ANKFY1: variants seen among roughly 807,000 people sequenced by gnomAD.
The protein encoded by ANKFY1 is ankyrin repeat and FYVE domain-containing protein 1.
In ANKFY1, 47 loss-of-function variants were observed where a neutral mutation model predicts 128.3. The observed-to-expected ratio is 0.37, with a 90% CI of 0.29 to 0.47. The LOEUF (loss-of-function observed/expected upper bound fraction) is 0.47. Ranked by LOEUF, ANKFY1 falls within the 20% of genes least tolerant of loss-of-function variation. The pLI is 1.00. For missense variants in ANKFY1, 1,222 were observed against 1,510.6 expected (o/e 0.81, Z 3.17); for synonymous variants, 553 against 601.6 (o/e 0.92, Z 1.18).
intron 4 of ANKFY1, 57 bp downstream of exon 4, chr17:4,216,926 T>A: frequency 6.2e-7 from 1 of 1,610,574 alleles, no homozygotes; most frequent in Non-Finnish European, 8.5e-7. Flanking sequence ...GAGCTCGGCA[T>A]AATTAAAGCT....
intron 1 of ANKFY1, among the ~76,000 whole-genome samples, chr17:4,261,139 C>G (rs1230758047): frequency 6.6e-6 from 1 of 152,174 alleles, no homozygotes; most frequent in African/African-American, 2.4e-5. Context: ...TCTGCAACAT[C>G]GTTTCTAAAA....
rs563554473 is a variant in ANKFY1 at position 4,206,480 on chromosome 17, C to T, written c.739G>A (p.Gly247Arg). ...YLIEMDSQLP[G>R]KLNEADHNGD... is the part of the protein sequence containing the mutation. ...TTATGATCCGCTTCATTCAGCTTCCCAGGGAGCTACACAAACAAGTTTGTA... is the reference window on the plus strand; with the variant it reads ...TTATGATCCGCTTCATTCAGCTTCCTAGGGAGCTACACAAACAAGTTTGTA... Residue 247 changes from glycine to arginine, a missense_variant, in exon 7 of 25, where the codon GGG (glycine) becomes AGG (arginine). Transcript: ENST00000341657. 6.2e-7 allele frequency: 1 copy of T among 1,611,362 alleles called. No individual in the cohort carries two copies. Among genetic ancestry groups the T allele is most frequent in the African/African-American group, 1.3e-5 (1 of 75,004 alleles).
intron 1 of ANKFY1, among the ~76,000 whole-genome samples, chr17:4,258,672 G>C (rs150049913): frequency 2.0e-5 from 3 of 152,186 alleles, no homozygotes; most frequent in African/African-American, 7.2e-5. Context: ...TGTCCATTAG[G>C]GGGAGCTACT....
Position 4,165,808 on chromosome 17 carries a change from T to G in ANKFY1, c.*1971A>C, listed in dbSNP as rs1450292478. 2 of 152,222 alleles carry G rather than the reference T, an allele frequency of 1.3e-5. No individual in the cohort carries two copies. Among genetic ancestry groups the G allele is most frequent in the African/African-American group, 4.8e-5 (2 of 41,440 alleles). 9.4% of individuals were successfully genotyped at this position (152,222 alleles called of 1,614,324 possible). On this transcript the variant is annotated 3_prime_UTR_variant, in exon 25 of 25. Coordinates refer to ENST00000341657, the MANE Select transcript of ANKFY1 (RefSeq NM_001330063.2). ...TGGGCAGAACAATCGGCCTCACCCT[T>G]GACTCATCTCCCACATTCCTTTTAA...
chr17:4,216,885 A>G (rs2060228395), intron 4 of ANKFY1, 98 bp downstream of exon 4: 1 of 1,539,152 alleles, frequency 6.5e-7, no homozygotes, highest in Admixed American at 1.8e-5. Context: ...TTGCCAAGTT[A>G]TTTACATTAG....
At chr17:4,198,418 C>T (rs997656206) in intron 7 of ANKFY1, among the ~76,000 whole-genome samples, 2 of 151,332 alleles carry the variant, frequency 1.3e-5, no homozygotes, top group African/African-American at 4.9e-5. Context: ...GTCACCCAGG[C>T]TGGAGTGCCG....
At chr17:4,251,059 C>T (rs1049909485) in intron 1 of ANKFY1, among the ~76,000 whole-genome samples, 1 of 152,134 alleles carries the variant, frequency 6.6e-6, no homozygotes, top group African/African-American at 2.4e-5. Context: ...GTAAATAGGA[C>T]AGCATCAAAC....
intron 1 of ANKFY1, among the ~76,000 whole-genome samples, chr17:4,260,258 A>C (rs1256127795): frequency 6.6e-6 from 1 of 152,184 alleles, no homozygotes; most frequent in Non-Finnish European, 1.5e-5. Context: ...GTGAGAGAGC[A>C]AAATCTAGGA....
intron 1 of ANKFY1, among the ~76,000 whole-genome samples, chr17:4,253,083 G>A (rs1598153306): frequency 6.6e-6 from 1 of 152,236 alleles, no homozygotes; most frequent in East Asian, 1.9e-4. Context: ...AGCCGGACCA[G>A]GGTGGCACAC....
chr17:4,249,744 G>A (rs1967733347), intron 1 of ANKFY1, among the ~76,000 whole-genome samples: 3 of 152,162 alleles, frequency 2.0e-5, no homozygotes, highest in Non-Finnish European at 4.4e-5. Flanking sequence ...CAGGCTCACA[G>A]TAATGCCTCC....
chr17:4,193,736 T>C (rs1419807111), intron 10 of ANKFY1, among the ~76,000 whole-genome samples: 1 of 147,658 alleles, frequency 6.8e-6, no homozygotes, highest in Non-Finnish European at 1.5e-5. Flanking sequence ...TGACCTTTAA[T>C]TTTTTTTTAT....
intron 8 of ANKFY1, among the ~76,000 whole-genome samples, chr17:4,196,424 C>G (rs1385838455): frequency 6.6e-6 from 1 of 152,048 alleles, no homozygotes; most frequent in East Asian, 1.9e-4. Context: ...TGAGAATGTT[C>G]TAATGACAAG....
chr17:4,222,933 C>T (rs867339573), intron 3 of ANKFY1: 23 of 1,251,666 alleles, frequency 1.8e-5, no homozygotes, highest in Non-Finnish European at 2.6e-5. Context: ...TCCTACCTTG[C>T]GGATAGAGAA....
At chr17:4,263,365 GTCTTCA>G (rs1240927318) in intron 1 of ANKFY1, among the ~76,000 whole-genome samples, 1 of 152,136 alleles carries the variant, frequency 6.6e-6, no homozygotes, top group Non-Finnish European at 1.5e-5. Flanking sequence ...CCTTCCTCCC[GTCTTCA>G]TCTGTACGCC....
At chr17:4,224,478 G>A (rs1248613279) in intron 3 of ANKFY1, among the ~76,000 whole-genome samples, 1 of 151,852 alleles carries the variant, frequency 6.6e-6, no homozygotes, top group Non-Finnish European at 1.5e-5. Flanking sequence ...ACTACTCTTG[G>A]AAATGGCCTG....
intron 11 of ANKFY1, chr17:4,186,701 T>G: frequency 1.9e-6 from 1 of 539,656 alleles, no homozygotes; most frequent in Non-Finnish European, 2.4e-6. Flanking sequence ...CCTCCTCCCC[T>G]GCTCCTCCCG....
chr17:4,262,563 A>G (rs1357694725), intron 1 of ANKFY1, among the ~76,000 whole-genome samples: 3 of 152,166 alleles, frequency 2.0e-5, no homozygotes, highest in African/African-American at 7.2e-5. Context: ...CACGGGGCCA[A>G]GACCTTGTCT....
chr17:4,213,292 T>A (rs1170397006), intron 4 of ANKFY1, among the ~76,000 whole-genome samples: 2 of 143,688 alleles, frequency 1.4e-5, no homozygotes, highest in South Asian at 2.3e-4. Flanking sequence ...TGGGTTCAAG[T>A]GATTCTCCTG....
chr17:4,209,438 C>T (rs1297628481), intron 5 of ANKFY1, among the ~76,000 whole-genome samples: 2 of 152,290 alleles, frequency 1.3e-5, no homozygotes, highest in South Asian at 2.1e-4. Flanking sequence ...GTAGCTGGGA[C>T]TACAGGCACG....
Sources: allele counts gnomAD v4.1 joint callset (sites outside exome capture counted in the v4.1 genomes callset), GRCh38; gene constraint gnomAD v4.1.1; transcripts MANE v1.5; gene names NCBI Gene and HGNC (gene_info 2026-07-23, HGNC 2026-07-21).